MARCHF10: variants seen among roughly 807,000 people sequenced by gnomAD.
MARCHF10 encodes probable E3 ubiquitin-protein ligase MARCHF10.
A neutral mutation model predicts 76.2 loss-of-function variants in MARCHF10; 64 were observed. That is an observed-to-expected ratio of 0.84 (90% CI 0.69 to 1.03). The LOEUF is 1.03. MARCHF10 is among the 50% of genes least tolerant of loss of function. The pLI is 0.00. For missense variants in MARCHF10, 875 were observed against 958.0 expected, an observed-to-expected ratio of 0.91 and a Z score of 1.14; for synonymous variants, 340 against 357.5, an observed-to-expected ratio of 0.95 and a Z score of 0.55.
chr17:62,712,893 C>A lies in MARCHF10; in HGVS notation c.2215-1549G>T, dbSNP rs925492647. 2.0e-5 allele frequency among the ~76,000 whole-genome samples: 3 copies of A among 152,100 alleles called. No homozygotes were observed. Among genetic ancestry groups the A allele is most frequent in the Non-Finnish European group, 4.4e-5 (3 of 68,008 alleles). On this transcript the variant is annotated intron_variant, in intron 8 of 10. Coordinates refer to ENST00000311269, the MANE Select transcript of MARCHF10 (RefSeq NM_152598.4). This position sits in a 1 kb window ranked among gnomAD's most constrained non-coding sequence, Gnocchi z 4.2. ...CTGAGTAGCTGGGATTACAGGTGTG[C>A]ACCACCACGCCCAGCTAATTTTTGT...
chr17:62,705,341 TC>T, intron 10 of MARCHF10, 197 bp downstream of exon 10: 12 of 1,496,324 alleles, frequency 8.0e-6, no homozygotes, highest in Non-Finnish European at 1.1e-5. Context: ...AAAATTCTTA[TC>T]TGCTCTGCAT....
intron 7 of MARCHF10, 92 bp downstream of exon 7, chr17:62,724,846 T>G: frequency 1.9e-4 from 258 of 1,373,030 alleles, no homozygotes; most frequent in Middle Eastern, 3.6e-4. Context: ...CGGAGGAGAG[T>G]GAGCTGATGA....
intron 2 of MARCHF10, among the ~76,000 whole-genome samples, chr17:62,799,038 C>A (rs964505565): frequency 6.6e-6 from 1 of 152,160 alleles, no homozygotes. Flanking sequence ...GTGTGTGAAA[C>A]CCGGCAGGGA....
intron 3 of MARCHF10, among the ~76,000 whole-genome samples, chr17:62,771,511 G>T (rs555814041): frequency 6.6e-6 from 1 of 152,008 alleles, no homozygotes; most frequent in Admixed American, 6.5e-5. Context: ...AAAAGCCACA[G>T]AATGCCATGG....
chr17:62,736,758 C>T lies in MARCHF10; in HGVS notation c.1110G>A (p.Gly370=), dbSNP rs2091284914. 2 of 1,614,056 alleles carry T rather than the reference C, an allele frequency of 1.2e-6. No individual in the cohort carries two copies. The highest frequency in any genetic ancestry group is 1.3e-5 in the African/African-American group (1 of 74,910). Residue 370 remains glycine (G), a synonymous_variant, in exon 6 of 11, where the codon GGG becomes GGA. Coordinates refer to ENST00000311269, the MANE Select transcript of MARCHF10 (RefSeq NM_152598.4). ...MEPATERPSA[G]QRLSQDPGLP... ...GCCCGGGGTCTTGGGACAACCTTTGCCCAGCAGAAGGCCGCTCTGTTGCTG... is the reference window on the plus strand; with the variant it reads ...GCCCGGGGTCTTGGGACAACCTTTGTCCAGCAGAAGGCCGCTCTGTTGCTG...
chr17:62,744,844 T>C (rs1341260720), intron 4 of MARCHF10, among the ~76,000 whole-genome samples: 5 of 151,578 alleles, frequency 3.3e-5, no homozygotes, highest in African/African-American at 1.2e-4. Flanking sequence ...TGAAACCCCA[T>C]CTCTACAAAA....
chr17:62,769,171 A>G (rs745596726), intron 3 of MARCHF10, among the ~76,000 whole-genome samples: 9 of 152,278 alleles, frequency 5.9e-5, no homozygotes, highest in Middle Eastern at 3.4e-3. Context: ...GGTTGTCCCA[A>G]TATTGGTAAA....
chr17:62,778,763 G>A (rs559075895), intron 3 of MARCHF10, among the ~76,000 whole-genome samples: 57 of 152,038 alleles, frequency 3.7e-4, no homozygotes, highest in Non-Finnish European at 6.6e-4. Context: ...ATTTGAGGGA[G>A]AGGAGAGGAG....
intron 6 of MARCHF10, among the ~76,000 whole-genome samples, chr17:62,731,479 G>A (rs1336254728): frequency 2.0e-5 from 3 of 152,004 alleles, no homozygotes; most frequent in Non-Finnish European, 4.4e-5. Context: ...GCCAGGTGCT[G>A]GTCTCAAACT....
chr17:62,770,937 C>T (rs2092434288), intron 3 of MARCHF10, among the ~76,000 whole-genome samples: 1 of 138,196 alleles, frequency 7.2e-6, no homozygotes. Flanking sequence ...CTCACTGCAA[C>T]CTCTGCCTCC....
At chr17:62,754,980 A>G (rs1490657387) in intron 4 of MARCHF10, among the ~76,000 whole-genome samples, 1 of 152,162 alleles carries the variant, frequency 6.6e-6, no homozygotes, top group East Asian at 1.9e-4. Context: ...AAGAGACCAC[A>G]GTTATTTTAG....
intron 6 of MARCHF10, among the ~76,000 whole-genome samples, chr17:62,725,757 G>A (rs2090727996): frequency 6.6e-6 from 1 of 152,236 alleles, no homozygotes; most frequent in African/African-American, 2.4e-5. Context: ...GTGAGTGCAT[G>A]GGATTCGTGG....
chr17:62,714,254 C>T (rs1282237016), intron 8 of MARCHF10: 1 of 320,104 alleles, frequency 3.1e-6, no homozygotes, highest in African/African-American at 2.3e-5. Context: ...GAAAGCGCTG[C>T]CGGCTAAGGT....
intron 3 of MARCHF10, among the ~76,000 whole-genome samples, chr17:62,784,597 GATGAC>G (rs2079843686): frequency 6.6e-6 from 1 of 152,200 alleles, no homozygotes. Flanking sequence ...CCTGTTTGCA[GATGAC>G]ATGATTGTAT....
At chr17:62,743,321 T>C (rs2091583293) in intron 5 of MARCHF10, among the ~76,000 whole-genome samples, 1 of 152,182 alleles carries the variant, frequency 6.6e-6, no homozygotes, top group Non-Finnish European at 1.5e-5. Context: ...CTTCAATATG[T>C]ATATATGTCC....
In MARCHF10 at chr17:62,736,579, C is replaced by G. The variant is rs781249377; in HGVS notation, c.1289G>C (p.Arg430Thr). The change falls in exon 6 of 11, where the codon AGG (arginine) becomes ACG (threonine). Residue 430 changes from arginine to threonine, a missense_variant. Coordinates refer to ENST00000311269, the MANE Select transcript of MARCHF10 (RefSeq NM_152598.4). ...VWSDCISVEH[R>T]PGTHDSEGYW... Reference sequence around the variant, plus strand: ...TCCTTCAGAATCATGGGTGCCAGGCCTATGTTCCACAGAAATACAATCACT... The same window carrying G: ...TCCTTCAGAATCATGGGTGCCAGGCGTATGTTCCACAGAAATACAATCACT... The G allele has an allele frequency of 6.2e-7, 1 of 1,614,050 alleles. No individual in the cohort carries two copies. The highest frequency in any genetic ancestry group is 8.5e-7 in the Non-Finnish European group (1 of 1,180,036).
At position 62,738,106 on chromosome 17, in the gene MARCHF10, A is replaced by T. The variant is rs1337981476; in HGVS notation, c.536-774T>A. 6.8e-6 allele frequency among the ~76,000 whole-genome samples: 1 copy of T among 146,976 alleles called. No homozygotes were observed. Among genetic ancestry groups the T allele is most frequent in the Admixed American group, 6.9e-5 (1 of 14,542 alleles). ...CACACACACACACACACACAACTTA[A>T]GCCTCACAACCCTGTGAAATAGGTA... On this transcript the variant is annotated intron_variant, in intron 5 of 10. Coordinates refer to ENST00000311269, the MANE Select transcript of MARCHF10 (RefSeq NM_152598.4). This position sits in a 1 kb window ranked among gnomAD's most constrained non-coding sequence, Gnocchi z 4.0.
intron 8 of MARCHF10, among the ~76,000 whole-genome samples, chr17:62,718,232 G>C (rs1568105494): frequency 6.6e-6 from 1 of 152,172 alleles, no homozygotes; most frequent in Non-Finnish European, 1.5e-5. Context: ...CAAGGTCACG[G>C]GGCCACTCTG....
intron 3 of MARCHF10, among the ~76,000 whole-genome samples, chr17:62,786,978 T>C: frequency 6.6e-6 from 1 of 152,234 alleles, no homozygotes; most frequent in Middle Eastern, 3.2e-3. Flanking sequence ...ATCTTATTTC[T>C]GAGTGTAAAA....
Sources: gnomAD v4.1 joint callset for allele counts (sites outside exome capture counted in the v4.1 genomes callset) on GRCh38, gnomAD v4.1.1 for gene constraint, Gnocchi (gnomAD v3.1) non-coding constraint, MANE v1.5 for transcripts, NCBI Gene and HGNC (gene_info 2026-07-23, HGNC 2026-07-21) for gene names.